STK25: variants seen among roughly 807,000 people sequenced by gnomAD.
The protein encoded by STK25 is serine/threonine-protein kinase 25.
In STK25, 29 loss-of-function variants were observed where a neutral mutation model predicts 53.8. The ratio of observed to expected loss-of-function variants is 0.54; its 90% confidence interval spans 0.40 to 0.74. STK25 has a LOEUF of 0.74. Ranked by LOEUF, STK25 falls within the 30% of genes least tolerant of loss-of-function variation. The probability of loss-of-function intolerance (pLI) is 0.00; values close to 1 mark genes in which losing one functional copy is unlikely to be tolerated. For synonymous variants in STK25, 247 were observed against 238.3 expected, an observed-to-expected ratio of 1.04 and a Z score of -0.33; for missense variants, 420 against 568.0, an observed-to-expected ratio of 0.74 and a Z score of 2.65.
Position 241,500,290 on chromosome 2 carries a change from G to T in STK25, c.319-9C>A, listed in dbSNP as rs949497128. 1.2e-6 allele frequency: 2 copies of T among 1,606,694 alleles called. No homozygotes were observed. The highest frequency in any genetic ancestry group is 1.7e-6 in the Non-Finnish European group (2 of 1,173,544). ...AGGGGACCTGGTTTAAGCTGGAGAGGAAGGTGCGACAGCAGGGCCTCAGCT... is the reference window on the plus strand; with the variant it reads ...AGGGGACCTGGTTTAAGCTGGAGAGTAAGGTGCGACAGCAGGGCCTCAGCT... On this transcript the variant is annotated splice_polypyrimidine_tract_variant and intron_variant, in intron 4 of 11. Coordinates refer to ENST00000316586, the MANE Select transcript of STK25 (RefSeq NM_001271977.2).
intron 2 of STK25, among the ~76,000 whole-genome samples, chr2:241,505,018 G>A (rs1056948164): frequency 6.6e-6 from 1 of 151,578 alleles, no homozygotes. Context: ...CCAGGTTCAA[G>A]CGATTCTTCC....
At chr2:241,497,741 G>A in intron 9 of STK25, 54 bp from the exon 10 acceptor site, 2 of 1,549,878 alleles carry the variant, frequency 1.3e-6, no homozygotes, top group Admixed American at 1.7e-5. Context: ...GACAGGCAGG[G>A]CACTCCCATC....
In STK25 at chr2:241,498,800, G is replaced by A; in HGVS notation, c.772-16C>T. 1 of 1,613,630 alleles carries A rather than the reference G, an allele frequency of 6.2e-7. No individual in the cohort carries two copies. The highest frequency in any genetic ancestry group is 8.5e-7 in the Non-Finnish European group (1 of 1,179,788). On this transcript the variant is annotated splice_polypyrimidine_tract_variant and intron_variant, in intron 7 of 11. Coordinates refer to ENST00000316586, the MANE Select transcript of STK25 (RefSeq NM_001271977.2). ...CCGTGGGCCGCTGCAGGGGGTCAGG[G>A]GAACACTAGTCACTGGGCCCAGCCA...
chr2:241,508,090 C>T lies in STK25; in HGVS notation c.-55G>A. 1 of 1,558,524 alleles carries T rather than the reference C, an allele frequency of 6.4e-7. No homozygotes were observed. Among genetic ancestry groups the T allele is most frequent in the Non-Finnish European group, 8.7e-7 (1 of 1,153,618 alleles). ...AGCCCCAGGAGGCGTCTGGATCCCG[C>T]GGAGAGGCGCGGAGCCGGCTAGCTC... On this transcript the variant is annotated 5_prime_UTR_variant, in exon 2 of 12. Coordinates refer to ENST00000316586, the MANE Select transcript of STK25 (RefSeq NM_001271977.2).
Position 241,508,528 on chromosome 2 carries a change from AC to A in STK25, c.-187del. ...ACCCGCAGCCTCTGTTCGCCCGGGG[AC>A]CCCGGGCCTCCCAGCCCGCGAAGCA... On this transcript the variant is annotated 5_prime_UTR_variant, in exon 1 of 12. Coordinates refer to ENST00000316586, the MANE Select transcript of STK25 (RefSeq NM_001271977.2). 2.0e-6 allele frequency: 2 copies of A among 1,005,144 alleles called. No individual in the cohort carries two copies. The highest frequency in any genetic ancestry group is 3.7e-5 in the South Asian group (1 of 27,364). The allele number at this position is 1,005,144 out of a possible 1,614,324, so 62.3% of individuals were successfully genotyped here.
At position 241,500,621 on chromosome 2, in the gene STK25, C is replaced by A. The variant is rs146584183; in HGVS notation, c.318+119G>T. ...AGTTCATTTTTGCTTTAGACGATTC[C>A]TAATTAACACCTAACGTGCCATGAC... On this transcript the variant is annotated intron_variant, in intron 4 of 11. Transcript: ENST00000316586. 1,383 of 1,086,444 alleles carry A rather than the reference C, an allele frequency of 1.3e-3. 11 individuals are homozygous for A. In the African/African-American group the frequency reaches 0.018, roughly 14 times the overall value. The allele number at this position is 1,086,444 out of a possible 1,614,324, so 67.3% of individuals were successfully genotyped here.
chr2:241,499,406 C>T lies in STK25; in HGVS notation c.436G>A (p.Val146Met), dbSNP rs1053183334. The stretch of plus-strand genomic sequence containing the variant: ...ACGTCACCCTGCTCCGAGAGTAGCA[C>T]GTTGGCAGCTGCTTGACACAGGACA... ...KIHRDIKAAN[V>M]LLSEQGDVKL... Residue 146 changes from valine to methionine, a missense_variant, in exon 6 of 12, where the codon GTG (valine) becomes ATG (methionine). Val to Met is a conservative substitution (Grantham distance 21, BLOSUM62 1). Coordinates refer to ENST00000316586, the MANE Select transcript of STK25 (RefSeq NM_001271977.2). 9 of 1,613,646 alleles carry T rather than the reference C, an allele frequency of 5.6e-6. No homozygotes were observed. Among genetic ancestry groups the T allele is most frequent in the East Asian group, 2.2e-5 (1 of 44,846 alleles).
intron 2 of STK25, among the ~76,000 whole-genome samples, chr2:241,504,919 TTTTC>T (rs1367083574): frequency 7.2e-6 from 1 of 137,998 alleles, no homozygotes; most frequent in African/African-American, 2.7e-5. Context: ...CCCCTCTTCT[TTTTC>T]TTTTTTTTTT....
In STK25 at chr2:241,500,246, G is replaced by A; in HGVS notation, c.354C>T (p.Ala118=). 6.2e-7 allele frequency: 1 copy of A among 1,614,108 alleles called. No homozygotes were observed. Among genetic ancestry groups the A allele is most frequent in the Non-Finnish European group, 8.5e-7 (1 of 1,179,998 alleles). The part of the protein sequence containing the change: ...KPGPLEETYI[A]TILREILKGL... Reference sequence around the variant, plus strand: ...CCTTCAGAATCTCCCGCAGGATCGTGGCAATGTATGTCTCCTCCAGGGGAC... The same window carrying A: ...CCTTCAGAATCTCCCGCAGGATCGTAGCAATGTATGTCTCCTCCAGGGGAC... Residue 118 remains alanine, a synonymous_variant, in exon 5 of 12, where the codon GCC becomes GCT. Coordinates refer to ENST00000316586, the MANE Select transcript of STK25 (RefSeq NM_001271977.2).
Position 241,498,798 on chromosome 2 carries a change from G to A in STK25, c.772-14C>T. 1.2e-6 allele frequency: 2 copies of A among 1,613,512 alleles called. No homozygotes were observed. Among genetic ancestry groups the A allele is most frequent in the East Asian group, 2.2e-5 (1 of 44,874 alleles). On this transcript the variant is annotated splice_polypyrimidine_tract_variant and intron_variant, in intron 7 of 11. Transcript: ENST00000316586. ...GGCCGTGGGCCGCTGCAGGGGGTCA[G>A]GGGAACACTAGTCACTGGGCCCAGC...
intron 2 of STK25, among the ~76,000 whole-genome samples, chr2:241,507,119 T>C (rs900973626): frequency 6.6e-6 from 1 of 152,150 alleles, no homozygotes; most frequent in Non-Finnish European, 1.5e-5. Flanking sequence ...TAGCGGCGAT[T>C]CCAACGCCTT....
At position 241,493,874 on chromosome 2, in the gene STK25, G is replaced by A; in HGVS notation, c.*1788C>T. The stretch of plus-strand genomic sequence containing the variant: ...AGCCTCCCAAAGTGCTGGGATTATA[G>A]GCATGAGCCACCGCACCCGGCCCCA... On this transcript the variant is annotated 3_prime_UTR_variant, in exon 12 of 12. Coordinates refer to ENST00000316586, the MANE Select transcript of STK25 (RefSeq NM_001271977.2). The A allele has an allele frequency of 1.7e-6, 1 of 571,770 alleles. No individual in the cohort carries two copies. The highest frequency in any genetic ancestry group is 3.1e-6 in the Non-Finnish European group (1 of 327,846). 35.4% of individuals were successfully genotyped at this position (571,770 alleles called of 1,614,324 possible).
chr2:241,499,475 CCT>C (rs1488799966), intron 5 of STK25, 61 bp from the exon 6 acceptor site: 1 of 1,569,726 alleles, frequency 6.4e-7, no homozygotes, highest in Non-Finnish European at 8.6e-7. Flanking sequence ...CCCCGGGCCC[CCT>C]GAGAAGGGCC....
In STK25 at chr2:241,495,670, TG is replaced by T; in HGVS notation, c.1272del (p.Thr425ProfsTer131). ...RFSHNRNHLT[S>X]TR ...CTGAACAGCAGTGCGCTTCAGCGGG[TG>T]GATGTCAGGTGGTTTCTGTTGTGTG... On this transcript the variant is annotated frameshift_variant, in exon 12 of 12. Coordinates refer to ENST00000316586, the MANE Select transcript of STK25 (RefSeq NM_001271977.2). LOFTEE classifies it high-confidence loss of function. 6.2e-7 allele frequency: 1 copy of T among 1,614,078 alleles called. No homozygotes were observed. Among genetic ancestry groups the T allele is most frequent in the Non-Finnish European group, 8.5e-7 (1 of 1,180,006 alleles).
chr2:241,501,085 G>C lies in STK25; in HGVS notation c.262-289C>G. 3.5e-6 allele frequency: 2 copies of C among 567,048 alleles called. No homozygotes were observed. Among genetic ancestry groups the C allele is most frequent in the Non-Finnish European group, 6.3e-6 (2 of 316,402 alleles). 35.1% of individuals were successfully genotyped at this position (567,048 alleles called of 1,614,324 possible). A position where few individuals can be genotyped will look rare whatever the true frequency, so the allele number is the denominator to read the frequency against. On this transcript the variant is annotated intron_variant, in intron 3 of 11. Transcript: ENST00000316586. This position sits in a 1 kb window ranked among gnomAD's most constrained non-coding sequence, Gnocchi z 5.3. ...TGATCCAGTCCTACAGGGCTGGGAA[G>C]AGGGCATGGCTGGCAAGCATGTGAC...
rs910570504 is a variant in STK25, at chr2:241,494,610, C to T, written c.*1052G>A. The T allele has an allele frequency of 6.6e-6, 1 of 152,362 alleles. No homozygotes were observed. Among genetic ancestry groups the T allele is most frequent in the Non-Finnish European group, 1.5e-5 (1 of 68,128 alleles). The allele number at this position is 152,362 out of a possible 1,614,324, so 9.4% of individuals were successfully genotyped here. A position where few individuals can be genotyped will look rare whatever the true frequency, so the allele number is the denominator to read the frequency against. The stretch of plus-strand genomic sequence containing the variant: ...CATGCTGACCTTCCATCTGGTGAAC[C>T]AAGTGGCAGCCCCAGGGGCCTGCCC... On this transcript the variant is annotated 3_prime_UTR_variant, in exon 12 of 12. Coordinates refer to ENST00000316586, the MANE Select transcript of STK25 (RefSeq NM_001271977.2). The surrounding 1 kb of genome is among the most constrained non-coding windows in gnomAD (Gnocchi z 4.9).
At chr2:241,499,771 C>T in intron 5 of STK25, 1 of 469,642 alleles carries the variant, frequency 2.1e-6, no homozygotes, top group Non-Finnish European at 3.9e-6. Flanking sequence ...CCAGAATCGT[C>T]CCCTACATGA....
At chr2:241,498,869 G>T (rs1355110524) in intron 7 of STK25, 85 bp from the exon 8 acceptor site, 1 of 1,606,654 alleles carries the variant, frequency 6.2e-7, no homozygotes, top group Non-Finnish European at 8.5e-7. Context: ...CTGGACCGGG[G>T]CGGGCCCTCA....
At position 241,494,373 on chromosome 2, in the gene STK25, T is replaced by A; in HGVS notation, c.*1289A>T. On this transcript the variant is annotated 3_prime_UTR_variant, in exon 12 of 12. Transcript: ENST00000316586. The surrounding 1 kb of genome is among the most constrained non-coding windows in gnomAD (Gnocchi z 4.9). The stretch of plus-strand genomic sequence containing the variant: ...GTGCGAGTCTTGAGCGCGGAGCCGC[T>A]CAAGCCACAGCTCCCAGGCCCCTGG... The A allele has an allele frequency of 1.1e-4, 33 of 292,538 alleles. No individual in the cohort carries two copies. Among genetic ancestry groups the A allele is most frequent in the Non-Finnish European group, 1.4e-4 (22 of 157,614 alleles). The allele number at this position is 292,538 out of a possible 1,614,324, so 18.1% of individuals were successfully genotyped here.
Sources: allele counts gnomAD v4.1 joint callset (sites outside exome capture counted in the v4.1 genomes callset), GRCh38; gene constraint gnomAD v4.1.1; non-coding constraint Gnocchi (gnomAD v3.1); transcripts MANE v1.5; gene names NCBI Gene and HGNC (gene_info 2026-07-23, HGNC 2026-07-21).